The following TRHR variants were observed in gnomAD, a reference collection of about 807,000 sequenced individuals.
The protein encoded by TRHR is thyrotropin-releasing hormone receptor.
In TRHR, 14 loss-of-function variants were observed where a neutral mutation model predicts 28.0. The observed-to-expected ratio is 0.50, with a 90% CI of 0.33 to 0.78. The LOEUF (loss-of-function observed/expected upper bound fraction) is 0.78. Ranked by LOEUF, TRHR falls within the 30% of genes least tolerant of loss-of-function variation. TRHR has a pLI of 0.02. For synonymous variants in TRHR, 176 were observed against 171.9 expected, an observed-to-expected ratio of 1.02 and a Z score of -0.18; for missense variants, 438 against 469.5, an observed-to-expected ratio of 0.93 and a Z score of 0.62.
At position 109,087,854 on chromosome 8, in the gene TRHR, T is replaced by C; in HGVS notation, c.342T>C (p.Cys114=). 6.2e-7 allele frequency: 1 copy of C among 1,614,234 alleles called. No individual in the cohort carries two copies. Among genetic ancestry groups the C allele is most frequent in the Non-Finnish European group, 8.5e-7 (1 of 1,180,046 alleles). The change falls in exon 2 of 3, where the codon TGT becomes TGC. Residue 114 remains cysteine, a synonymous_variant. Transcript: ENST00000518632. The part of the protein sequence containing the change: ...LQYLGINASS[C]SITAFTIERY... The stretch of plus-strand genomic sequence containing the variant: ...ATTTGGGAATTAATGCATCCTCTTG[T>C]TCAATAACAGCCTTTACCATTGAGA...
intron 2 of TRHR, among the ~76,000 whole-genome samples, chr8:109,112,478 T>C (rs1811849938): frequency 6.6e-6 from 1 of 152,208 alleles, no homozygotes; most frequent in Non-Finnish European, 1.5e-5. Flanking sequence ...AAGTTTTCAT[T>C]TTTAAAATTT....
At chr8:109,110,432 C>A (rs1207959316) in intron 2 of TRHR, among the ~76,000 whole-genome samples, 1 of 151,298 alleles carries the variant, frequency 6.6e-6, no homozygotes, top group Non-Finnish European at 1.5e-5. Flanking sequence ...TTTTCTTTAG[C>A]CCTTCTTCTA....
At position 109,087,862 on chromosome 8, in the gene TRHR, C is replaced by A. The variant is rs143603967; in HGVS notation, c.350C>A (p.Thr117Lys). The A allele has an allele frequency of 1.9e-6, 3 of 1,614,212 alleles. No individual in the cohort carries two copies. The highest frequency in any genetic ancestry group is 2.5e-6 in the Non-Finnish European group (3 of 1,180,042). The change falls in exon 2 of 3, where the codon ACA becomes AAA. Residue 117 changes from threonine to lysine, a missense_variant. Transcript: ENST00000518632. ...LGINASSCSI[T>K]AFTIERYIAI... ...ATTAATGCATCCTCTTGTTCAATAA[C>A]AGCCTTTACCATTGAGAGGTACATA... is the stretch of plus-strand genomic sequence containing the variant.
At position 109,119,188 on chromosome 8, in the gene TRHR, T is replaced by C; in HGVS notation, c.930T>C (p.Tyr310=). Reference sequence around the variant, plus strand: ...TGCTCTTTTGCAGAATTTGCATTTATCTCAACAGTGCCATCAACCCGGTGA... The same window carrying C: ...TGCTCTTTTGCAGAATTTGCATTTACCTCAACAGTGCCATCAACCCGGTGA... ...WFLLFCRICI[Y]LNSAINPVIY... is the part of the protein sequence containing the mutation. The change falls in exon 3 of 3, where the codon TAT becomes TAC. Residue 310 remains tyrosine (Y), a synonymous_variant. Coordinates refer to ENST00000518632, the MANE Select transcript of TRHR (RefSeq NM_003301.7). 6.2e-7 allele frequency: 1 copy of C among 1,612,908 alleles called. No homozygotes were observed. Among genetic ancestry groups the C allele is most frequent in the Non-Finnish European group, 8.5e-7 (1 of 1,179,246 alleles).
intron 2 of TRHR, 62 bp downstream of exon 2, chr8:109,088,363 G>T: frequency 6.4e-7 from 1 of 1,571,056 alleles, no homozygotes; most frequent in South Asian, 1.1e-5. Flanking sequence ...CTTGGAGATG[G>T]GAAACAACTT....
At chr8:109,107,467 G>A (rs927914734) in intron 2 of TRHR, among the ~76,000 whole-genome samples, 8 of 152,168 alleles carry the variant, frequency 5.3e-5, no homozygotes, top group African/African-American at 1.9e-4. Context: ...ATTCCAGCGA[G>A]GTCTGCCTCC....
intron 2 of TRHR, among the ~76,000 whole-genome samples, chr8:109,096,017 T>C (rs1213104326): frequency 6.6e-6 from 1 of 152,148 alleles, no homozygotes; most frequent in Non-Finnish European, 1.5e-5. Context: ...TTCTGCACAT[T>C]GCTCACTAAA....
chr8:109,104,622 A>G (rs1811723628), intron 2 of TRHR, among the ~76,000 whole-genome samples: 1 of 152,082 alleles, frequency 6.6e-6, no homozygotes, highest in African/African-American at 2.4e-5. Context: ...ATTTCACCCA[A>G]AACCCCTGAA....
intron 2 of TRHR, among the ~76,000 whole-genome samples, chr8:109,104,605 A>G (rs1196360783): frequency 6.6e-6 from 1 of 152,034 alleles, no homozygotes; most frequent in Non-Finnish European, 1.5e-5. Flanking sequence ...TGTTGTTGTC[A>G]ACATTTATTT....
At chr8:109,101,600 T>A (rs879367928) in intron 2 of TRHR, among the ~76,000 whole-genome samples, 2 of 152,202 alleles carry the variant, frequency 1.3e-5, no homozygotes, top group Non-Finnish European at 2.9e-5. Context: ...TTAGCTACTG[T>A]TATTATTAAT....
chr8:109,092,976 T>C (rs964852562), intron 2 of TRHR, among the ~76,000 whole-genome samples: 7 of 152,026 alleles, frequency 4.6e-5, no homozygotes, highest in African/African-American at 7.2e-5. Context: ...TAGTCAAATG[T>C]ATATGTAGTT....
At chr8:109,088,355 T>A in intron 2 of TRHR, 54 bp downstream of exon 2, 1 of 1,585,408 alleles carries the variant, frequency 6.3e-7, no homozygotes. Flanking sequence ...TAGAGTTCCT[T>A]GGAGATGGGA....
chr8:109,096,480 G>A lies in TRHR; in HGVS notation c.789+8179G>A, dbSNP rs547192108. ...CTCTCACTAACATCCCAAAGAGTAG[G>A]GCCTTGCATTGTGGTACCCTCAGCC... On this transcript the variant is annotated intron_variant, in intron 2 of 2. Coordinates refer to ENST00000518632, the MANE Select transcript of TRHR (RefSeq NM_003301.7). Among the ~76,000 whole-genome samples, 51 of 152,218 alleles carry A rather than the reference G, an allele frequency of 3.4e-4. No individual in the cohort carries two copies. The South Asian group carries it at 0.011, about 32-fold the overall frequency.
At chr8:109,116,436 C>T (rs1811922745) in intron 2 of TRHR, among the ~76,000 whole-genome samples, 1 of 151,968 alleles carries the variant, frequency 6.6e-6, no homozygotes, top group Non-Finnish European at 1.5e-5. Context: ...TGCTCCTGGA[C>T]TTTTTTTGGT....
intron 2 of TRHR, 63 bp from the exon 3 acceptor site, chr8:109,118,985 G>A: frequency 6.2e-7 from 1 of 1,604,262 alleles, no homozygotes; most frequent in Non-Finnish European, 8.5e-7. Flanking sequence ...GGTGAGAGAA[G>A]AAAGGGGGTT....
chr8:109,108,646 C>G (rs575223884), intron 2 of TRHR, among the ~76,000 whole-genome samples: 1 of 152,226 alleles, frequency 6.6e-6, no homozygotes, highest in Admixed American at 6.5e-5. Context: ...AGTAACATAC[C>G]TAGAAGAAAG....
Position 109,088,247 on chromosome 8 carries a change from G to C in TRHR, c.735G>C (p.Leu245=). The part of the protein sequence containing the change: ...KNDSTHQNTN[L]NVNTSNRCFN... ...ATTCAACCCATCAGAACACAAATCT[G>C]AATGTAAATACCTCTAATAGATGTT... The change falls in exon 2 of 3, where the codon CTG becomes CTC. Residue 245 remains leucine, a synonymous_variant. Transcript: ENST00000518632. 6.2e-7 allele frequency: 1 copy of C among 1,613,988 alleles called. No homozygotes were observed. The highest frequency in any genetic ancestry group is 8.5e-7 in the Non-Finnish European group (1 of 1,180,008).
chr8:109,103,614 A>G (rs1198079067), intron 2 of TRHR, among the ~76,000 whole-genome samples: 1 of 152,160 alleles, frequency 6.6e-6, no homozygotes, highest in Non-Finnish European at 1.5e-5. Flanking sequence ...AGCATCATGC[A>G]GAATGTTTGG....
intron 2 of TRHR, among the ~76,000 whole-genome samples, chr8:109,108,692 A>G (rs530207045): frequency 1.4e-4 from 21 of 152,338 alleles, no homozygotes; most frequent in Middle Eastern, 3.4e-3. Flanking sequence ...AACTCAGCCC[A>G]TGGCAGATCA....
Sources: allele counts gnomAD v4.1 joint callset (sites outside exome capture counted in the v4.1 genomes callset), GRCh38; gene constraint gnomAD v4.1.1; transcripts MANE v1.5; gene names NCBI Gene and HGNC (gene_info 2026-07-23, HGNC 2026-07-21).